UBE2E2: variants seen among roughly 807,000 people sequenced by gnomAD.
UBE2E2 encodes ubiquitin-conjugating enzyme E2 E2.
In UBE2E2, 6 loss-of-function variants were observed where a neutral mutation model predicts 24.7. The ratio of observed to expected loss-of-function variants is 0.24; its 90% CI spans 0.13 to 0.48. UBE2E2 has a LOEUF of 0.48. Ranked by LOEUF, UBE2E2 falls within the 20% of genes least tolerant of loss-of-function variation. The pLI is 0.99. For missense variants in UBE2E2, 169 were observed against 245.0 expected, an observed-to-expected ratio of 0.69 and a Z score of 2.07; for synonymous variants, 104 against 83.6, an observed-to-expected ratio of 1.24 and a Z score of -1.33.
At chr3:23,378,480 CA>C (rs1696580766) in intron 3 of UBE2E2, among the ~76,000 whole-genome samples, 1 of 152,110 alleles carries the variant, frequency 6.6e-6, no homozygotes, top group Non-Finnish European at 1.5e-5. Flanking sequence ...GCTATGTGGC[CA>C]AACCCTGTCC....
At chr3:23,545,741 C>T (rs146141871) in intron 5 of UBE2E2, among the ~76,000 whole-genome samples, 7 of 152,130 alleles carry the variant, frequency 4.6e-5, no homozygotes, top group Non-Finnish European at 5.9e-5. Flanking sequence ...AATTGACAAT[C>T]GCAAAGATAT....
At chr3:23,318,417 A>G (rs1051282588) in intron 3 of UBE2E2, among the ~76,000 whole-genome samples, 1 of 152,200 alleles carries the variant, frequency 6.6e-6, no homozygotes, top group Non-Finnish European at 1.5e-5. Context: ...ATATTCATCA[A>G]TAGGTTATAA....
intron 3 of UBE2E2, among the ~76,000 whole-genome samples, chr3:23,476,725 A>T (rs1055070503): frequency 6.6e-6 from 1 of 152,174 alleles, no homozygotes; most frequent in African/African-American, 2.4e-5. Flanking sequence ...TAATTTACTC[A>T]ATCTAAATGG....
At chr3:23,350,327 A>G (rs1464423804) in intron 3 of UBE2E2, among the ~76,000 whole-genome samples, 1 of 152,174 alleles carries the variant, frequency 6.6e-6, no homozygotes, top group African/African-American at 2.4e-5. Flanking sequence ...AAAGCAGAGC[A>G]CCTCTCCTCC....
At chr3:23,276,910 C>A (rs1159090954) in intron 3 of UBE2E2, among the ~76,000 whole-genome samples, 1 of 151,570 alleles carries the variant, frequency 6.6e-6, no homozygotes, top group East Asian at 1.9e-4. Flanking sequence ...TTTGTACTTG[C>A]TTAAGGAAGA....
intron 3 of UBE2E2, among the ~76,000 whole-genome samples, chr3:23,422,085 G>C (rs1367143932): frequency 6.6e-6 from 1 of 152,102 alleles, no homozygotes; most frequent in Non-Finnish European, 1.5e-5. Context: ...TTGTTGTATT[G>C]AATGAAGTAA....
intron 4 of UBE2E2, among the ~76,000 whole-genome samples, chr3:23,500,234 C>T (rs1356407583): frequency 6.6e-6 from 1 of 152,010 alleles, no homozygotes; most frequent in African/African-American, 2.4e-5. Context: ...CACACATGGA[C>T]TAGTATGGAA....
rs572001205 is a variant in UBE2E2 at position 23,483,362 on chromosome 3, A to C, written c.228-16246A>C. ...TAATACTTAGATTTTTAAAGAACCTACTCTTTGCCAGACACTACATTTGAC... is the reference window on the plus strand; with the variant it reads ...TAATACTTAGATTTTTAAAGAACCTCCTCTTTGCCAGACACTACATTTGAC... On this transcript the variant is annotated intron_variant, in intron 3 of 5. Transcript: ENST00000396703. Among the ~76,000 whole-genome samples the C allele has an allele frequency of 5.1e-4, 78 of 152,312 alleles. 1 individual carries two copies. The South Asian group carries it at 0.016, about 32-fold the overall frequency.
At chr3:23,225,950 GC>G (rs1696809679) in intron 3 of UBE2E2, among the ~76,000 whole-genome samples, 1 of 151,914 alleles carries the variant, frequency 6.6e-6, no homozygotes, top group Non-Finnish European at 1.5e-5. Context: ...CACCATACCA[GC>G]CCACTGCAAC....
At position 23,589,828 on chromosome 3, in the gene UBE2E2, A is replaced by T; in HGVS notation, c.603A>T (p.Thr201=). Residue 201 remains threonine, a synonymous_variant, in exon 6 of 6, where the codon ACA becomes ACT. Transcript: ENST00000396703. This position sits in a 1 kb window ranked among gnomAD's most constrained non-coding sequence, Gnocchi z 4.1. The stretch of plus-strand genomic sequence containing the variant: ...GACAGTGGACCAAGCGGTACGCCAC[A>T]TAGGGGCCTGCTGCCTGCCGCCCCG... The part of the protein sequence containing the change: ...MARQWTKRYA[T] 6.2e-7 allele frequency: 1 copy of T among 1,614,184 alleles called. No homozygotes were observed. Among genetic ancestry groups the T allele is most frequent in the South Asian group, 1.1e-5 (1 of 91,078 alleles).
intron 3 of UBE2E2, among the ~76,000 whole-genome samples, chr3:23,274,656 C>G (rs1009352603): frequency 6.6e-6 from 1 of 152,104 alleles, no homozygotes; most frequent in Non-Finnish European, 1.5e-5. Flanking sequence ...TATGAGCCAT[C>G]GCGCCCAGCC....
chr3:23,586,776 C>T (rs1438638743), intron 5 of UBE2E2, among the ~76,000 whole-genome samples: 1 of 152,046 alleles, frequency 6.6e-6, no homozygotes, highest in East Asian at 1.9e-4. Flanking sequence ...ACAGGAAATT[C>T]GTTCTTAATT....
intron 3 of UBE2E2, among the ~76,000 whole-genome samples, chr3:23,413,185 T>C (rs1697536552): frequency 6.9e-6 from 1 of 144,478 alleles, no homozygotes; most frequent in African/African-American, 2.7e-5. Flanking sequence ...ACCCTAAAAC[T>C]TAAAGTATAA....
At chr3:23,365,105 G>A (rs1191750503) in intron 3 of UBE2E2, among the ~76,000 whole-genome samples, 3 of 152,060 alleles carry the variant, frequency 2.0e-5, no homozygotes, top group African/African-American at 4.8e-5. Flanking sequence ...AACAAACTAG[G>A]CATTGAAGTA....
intron 4 of UBE2E2, among the ~76,000 whole-genome samples, chr3:23,532,264 G>A (rs532516856): frequency 6.6e-6 from 1 of 152,220 alleles, no homozygotes; most frequent in South Asian, 2.1e-4. Context: ...TGTATCAAAA[G>A]TAAATTCAGT....
intron 3 of UBE2E2, among the ~76,000 whole-genome samples, chr3:23,355,152 TCTCA>T (rs1695904212): frequency 6.7e-6 from 1 of 150,124 alleles, no homozygotes; most frequent in Admixed American, 6.7e-5. Flanking sequence ...CACCTCATGT[TCTCA>T]CTCATAGGTG....
chr3:23,416,804 A>G (rs1697646791), intron 3 of UBE2E2, among the ~76,000 whole-genome samples: 1 of 152,078 alleles, frequency 6.6e-6, no homozygotes, highest in African/African-American at 2.4e-5. Flanking sequence ...TGAGTTGATC[A>G]GCAGTCTCTG....
chr3:23,375,467 A>G (rs1023934573), intron 3 of UBE2E2, among the ~76,000 whole-genome samples: 2 of 152,186 alleles, frequency 1.3e-5, no homozygotes, highest in African/African-American at 2.4e-5. Flanking sequence ...CTCATCCTCA[A>G]TGAATTTATA....
intron 3 of UBE2E2, among the ~76,000 whole-genome samples, chr3:23,453,744 C>A (rs984639050): frequency 1.3e-5 from 2 of 152,172 alleles, no homozygotes; most frequent in Non-Finnish European, 2.9e-5. Flanking sequence ...CCCTCTGCAA[C>A]CAACAGAGCT....
Sources: gnomAD v4.1 joint callset for allele counts (sites outside exome capture counted in the v4.1 genomes callset) on GRCh38, gnomAD v4.1.1 for gene constraint, Gnocchi (gnomAD v3.1) non-coding constraint, MANE v1.5 for transcripts, NCBI Gene and HGNC (gene_info 2026-07-23, HGNC 2026-07-21) for gene names.